Variants in COL24A1 observed in about 807,000 individuals in gnomAD.
COL24A1 encodes collagen alpha-1(XXIV) chain.
In COL24A1, 224 loss-of-function variants were observed where a neutral mutation model predicts 253.9. The observed-to-expected ratio is 0.88, with a 90% CI of 0.79 to 0.99. The LOEUF (loss-of-function observed/expected upper bound fraction) is 0.99. Among genes scored for constraint, COL24A1 ranks in the 50% least tolerant of loss-of-function variants. COL24A1 has a pLI of 0.00. For synonymous variants in COL24A1, 685 were observed against 673.7 expected, an observed-to-expected ratio of 1.02 and a Z score of -0.26; for missense variants, 2,131 against 2,068.5, an observed-to-expected ratio of 1.03 and a Z score of -0.59.
chr1:86,049,319 T>C lies in COL24A1; in HGVS notation c.1905+805A>G, dbSNP rs564112429. Among the ~76,000 whole-genome samples, 132 of 152,318 alleles carry C rather than the reference T, an allele frequency of 8.7e-4. 1 individual carries two copies. The highest frequency in any genetic ancestry group is 3.1e-3 in the African/African-American group (127 of 41,566). ...TACAAGAAAATATAATTTAACTCAC[T>C]CACTGAAAACTATTTATTTGAAAAA... On this transcript the variant is annotated intron_variant, in intron 11 of 59. Coordinates refer to ENST00000370571, the MANE Select transcript of COL24A1 (RefSeq NM_152890.7).
At chr1:85,881,049 C>T (rs531332290) in intron 32 of COL24A1, among the ~76,000 whole-genome samples, 10 of 152,268 alleles carry the variant, frequency 6.6e-5, no homozygotes, top group Admixed American at 5.9e-4. Context: ...ATGTGTGTGG[C>T]CTCACATAAT....
At chr1:86,042,439 A>G (rs368622625) in intron 12 of COL24A1, among the ~76,000 whole-genome samples, 3 of 152,124 alleles carry the variant, frequency 2.0e-5, no homozygotes, top group South Asian at 2.1e-4. Flanking sequence ...GGGAAAAAAG[A>G]ATTTTCTGGG....
In COL24A1 at chr1:85,818,038, ATCCCAGGTT is replaced by A. The variant is rs1673225552; in HGVS notation, c.3830_3838del (p.Lys1277_Gly1279del). 1 of 1,613,420 alleles carries A rather than the reference ATCCCAGGTT, an allele frequency of 6.2e-7. No individual in the cohort carries two copies. The highest frequency in any genetic ancestry group is 8.5e-7 in the Non-Finnish European group (1 of 1,179,524). ...TGAAAGAGGCCTGTTACTTACAGGA[ATCCCAGGTT>A]TCCCAGAAGGACCAGGAGCTCCTTT... On this transcript the variant is annotated inframe_deletion, in exon 46 of 60. Transcript: ENST00000370571.
intron 23 of COL24A1, among the ~76,000 whole-genome samples, chr1:85,964,021 G>C (rs1024353497): frequency 6.6e-6 from 1 of 152,038 alleles, no homozygotes; most frequent in South Asian, 2.1e-4. Flanking sequence ...CATACATACT[G>C]ATATATTAAA....
rs117439352 is a variant in COL24A1 at position 86,087,693 on chromosome 1, G to T, written c.1707+1481C>A. On this transcript the variant is annotated intron_variant, in intron 7 of 59. Coordinates refer to ENST00000370571, the MANE Select transcript of COL24A1 (RefSeq NM_152890.7). Reference sequence around the variant, plus strand: ...ATTGAGATCATATCCATATTATGAGGTCTTCTTTGATGATATATGTCAGTA... The same window carrying T: ...ATTGAGATCATATCCATATTATGAGTTCTTCTTTGATGATATATGTCAGTA... 7.1e-4 allele frequency among the ~76,000 whole-genome samples: 108 copies of T among 152,256 alleles called. 2 individuals are homozygous for T. In the East Asian group the frequency reaches 0.017, roughly 24 times the overall value.
At chr1:85,934,775 C>T (rs569976899) in intron 24 of COL24A1, among the ~76,000 whole-genome samples, 1 of 152,112 alleles carries the variant, frequency 6.6e-6, no homozygotes, top group East Asian at 1.9e-4. Flanking sequence ...ATTATGCAGG[C>T]AGAACTGAGT....
rs1570791924 is a variant in COL24A1 at position 85,828,365 on chromosome 1, G to C, written c.3682-4627C>G. ...CAAGTATGTGGTCAATTTTGGAATA[G>C]GTGTGGTGTGGTGCTGAAAAAAATG... On this transcript the variant is annotated intron_variant, in intron 43 of 59. Transcript: ENST00000370571. Among the ~76,000 whole-genome samples, 4 of 151,394 alleles carry C rather than the reference G, an allele frequency of 2.6e-5. No individual in the cohort carries two copies. In the Admixed American group the frequency reaches 2.7e-4, roughly 10 times the overall value.
chr1:86,029,646 T>G (rs1270563782), intron 14 of COL24A1, among the ~76,000 whole-genome samples: 2 of 149,642 alleles, frequency 1.3e-5, no homozygotes, highest in Non-Finnish European at 3.0e-5. Context: ...GATGGGGTCT[T>G]GCTTCATCAC....
chr1:85,740,326 C>T (rs1043825800), intron 57 of COL24A1, among the ~76,000 whole-genome samples: 1 of 152,164 alleles, frequency 6.6e-6, no homozygotes, highest in East Asian at 1.9e-4. Context: ...TCGCTCTTAT[C>T]CTCAACTGAT....
At chr1:86,040,537 C>T (rs924383342) in intron 12 of COL24A1, among the ~76,000 whole-genome samples, 4 of 145,096 alleles carry the variant, frequency 2.8e-5, no homozygotes, top group African/African-American at 1.0e-4. Flanking sequence ...GCCATATTCC[C>T]ATCCATTGGT....
rs1038916020 is a variant in COL24A1, at chr1:85,730,472, A to G, written c.*74T>C. ...ATTACATGCATTTCATAATGACTGTATCTGTCTGTCTTATTTCTCCCTCTG... is the reference window on the plus strand; with the variant it reads ...ATTACATGCATTTCATAATGACTGTGTCTGTCTGTCTTATTTCTCCCTCTG... On this transcript the variant is annotated 3_prime_UTR_variant, in exon 60 of 60. Transcript: ENST00000370571. The G allele has an allele frequency of 3.4e-6, 5 of 1,487,182 alleles. No individual in the cohort carries two copies. In the Admixed American group the frequency reaches 7.0e-5, roughly 21 times the overall value. 92.1% of individuals were successfully genotyped at this position (1,487,182 alleles called of 1,614,324 possible). A position where few individuals can be genotyped will look rare whatever the true frequency, so the allele number is the denominator to read the frequency against.
intron 22 of COL24A1, among the ~76,000 whole-genome samples, chr1:85,967,836 G>A (rs899366182): frequency 6.6e-6 from 1 of 152,128 alleles, no homozygotes; most frequent in African/African-American, 2.4e-5. Flanking sequence ...GCAGTTAGAT[G>A]GTCAATACTT....
chr1:86,057,912 G>A lies in COL24A1; in HGVS notation c.1851+19C>T, dbSNP rs751155787. The A allele has an allele frequency of 1.8e-5, 29 of 1,609,916 alleles. No individual in the cohort carries two copies. In the Admixed American group the frequency reaches 4.7e-4, roughly 26 times the overall value. ...TTTAGGCAAGCATGCTTAACAGAAT[G>A]ATGGAAATGCCTACTTACTTGTGCA... On this transcript the variant is annotated intron_variant, in intron 10 of 59. Transcript: ENST00000370571.
intron 48 of COL24A1, 38 bp from the exon 49 acceptor site, chr1:85,784,404 A>G: frequency 1.4e-6 from 2 of 1,435,700 alleles, no homozygotes; most frequent in Non-Finnish European, 2.0e-6. Context: ...TTTACATCAG[A>G]ACATATAAAC....
chr1:86,048,225 G>C (rs1056816607), intron 11 of COL24A1, among the ~76,000 whole-genome samples: 4 of 151,990 alleles, frequency 2.6e-5, no homozygotes, highest in Non-Finnish European at 4.4e-5. Flanking sequence ...GTACATATGT[G>C]TATACACACA....
intron 2 of COL24A1, among the ~76,000 whole-genome samples, chr1:86,131,572 T>G (rs1649207007): frequency 6.9e-6 from 1 of 145,218 alleles, no homozygotes; most frequent in African/African-American, 2.6e-5. Flanking sequence ...TCATGTGTTC[T>G]CATTGTTCAA....
intron 27 of COL24A1, 101 bp downstream of exon 27, chr1:85,908,497 G>A: frequency 1.5e-6 from 1 of 650,604 alleles, no homozygotes. Flanking sequence ...GTTTACACAT[G>A]ACTTACTTTG....
intron 24 of COL24A1, among the ~76,000 whole-genome samples, chr1:85,926,135 A>T (rs1265822490): frequency 6.6e-6 from 1 of 152,234 alleles, no homozygotes; most frequent in Non-Finnish European, 1.5e-5. Flanking sequence ...ATACCAGCTC[A>T]CCCCAGTTAG....
Position 85,895,993 on chromosome 1 carries a change from C to G in COL24A1, c.2877+28G>C, listed in dbSNP as rs146440951. The G allele has an allele frequency of 1.0e-5, 16 of 1,603,850 alleles. No individual in the cohort carries two copies. The East Asian group carries it at 1.8e-4, about 18-fold the overall frequency. Reference sequence around the variant, plus strand: ...AACAAAAAAGACTTAAAATGTTCATCTTTAATGTGAAATGTTTTATTACTT... The same window carrying G: ...AACAAAAAAGACTTAAAATGTTCATGTTTAATGTGAAATGTTTTATTACTT... On this transcript the variant is annotated intron_variant, in intron 30 of 59. Transcript: ENST00000370571.
Sources: gnomAD v4.1 joint callset for allele counts (sites outside exome capture counted in the v4.1 genomes callset) on GRCh38, gnomAD v4.1.1 for gene constraint, MANE v1.5 for transcripts, NCBI Gene and HGNC (gene_info 2026-07-23, HGNC 2026-07-21) for gene names.